The following RIC1 variants were observed in gnomAD, a reference collection of about 807,000 sequenced individuals.
RIC1 encodes RIC1 partner of RAB6A GEF complex.
RIC1 carries 88 observed loss-of-function variants against 169.0 expected under a neutral mutation model. The observed-to-expected ratio is 0.52, with a 90% CI of 0.44 to 0.62. The LOEUF (loss-of-function observed/expected upper bound fraction) is 0.62. Ranked by LOEUF, RIC1 falls within the 20% of genes least tolerant of loss-of-function variation. RIC1 has a pLI of 0.00. For synonymous variants in RIC1, 790 were observed against 601.5 expected, an observed-to-expected ratio of 1.31 and a Z score of -4.59; for missense variants, 1,877 against 1,725.5, an observed-to-expected ratio of 1.09 and a Z score of -1.56.
chr9:5,645,202 C>T (rs1382834113), intron 1 of RIC1, among the ~76,000 whole-genome samples: 2 of 152,028 alleles, frequency 1.3e-5, no homozygotes, highest in Non-Finnish European at 2.9e-5. Context: ...TACAGATGCC[C>T]AACAGCATGC....
intron 3 of RIC1, among the ~76,000 whole-genome samples, chr9:5,699,254 A>G (rs868348119): frequency 1.3e-5 from 2 of 152,172 alleles, no homozygotes; most frequent in African/African-American, 2.4e-5. Context: ...TTCCTCCCAC[A>G]TCCCAAAGAT....
intron 6 of RIC1, among the ~76,000 whole-genome samples, chr9:5,730,506 A>C (rs535406652): frequency 5.3e-5 from 8 of 152,170 alleles, no homozygotes; most frequent in Non-Finnish European, 1.0e-4. Flanking sequence ...AAGGGCAAAT[A>C]ATGTAGGCAT....
intron 1 of RIC1, among the ~76,000 whole-genome samples, chr9:5,650,562 G>A (rs1818749364): frequency 6.6e-6 from 1 of 152,008 alleles, no homozygotes; most frequent in African/African-American, 2.4e-5. Flanking sequence ...GCTGGGGTGG[G>A]GCAGGTATGG....
intron 4 of RIC1, among the ~76,000 whole-genome samples, chr9:5,714,624 G>A (rs926877262): frequency 1.3e-5 from 2 of 152,150 alleles, no homozygotes; most frequent in Non-Finnish European, 2.9e-5. Flanking sequence ...ATACGCAGCT[G>A]TAAAAACATT....
intron 6 of RIC1, among the ~76,000 whole-genome samples, chr9:5,731,849 T>A (rs974356340): frequency 6.6e-6 from 1 of 152,020 alleles, no homozygotes. Flanking sequence ...TTTTGAGGAG[T>A]GAAAGCAGTC....
At chr9:5,664,582 A>T (rs1819641747) in intron 2 of RIC1, among the ~76,000 whole-genome samples, 1 of 152,000 alleles carries the variant, frequency 6.6e-6, no homozygotes, top group Non-Finnish European at 1.5e-5. Flanking sequence ...TCTGATGATT[A>T]TATGTCTTGG....
At chr9:5,746,715 C>T (rs1191043105) in intron 11 of RIC1, among the ~76,000 whole-genome samples, 5 of 152,012 alleles carry the variant, frequency 3.3e-5, no homozygotes, top group Admixed American at 2.0e-4. Context: ...TATTATATAT[C>T]GCTAATATAC....
chr9:5,754,891 G>C lies in RIC1; in HGVS notation c.1653G>C (p.Met551Ile), dbSNP rs1349100115. 1 of 1,574,378 alleles carries C rather than the reference G, an allele frequency of 6.4e-7. No individual in the cohort carries two copies. ...TGGLAWWNDFMVLACYNINDR... is the reference protein window; with the variant it reads ...TGGLAWWNDFIVLACYNINDR... The stretch of plus-strand genomic sequence containing the variant: ...GCTTAGCCTGGTGGAATGATTTTAT[G>C]GTCCTTGCGTGTTATAACATAAATG... The change falls in exon 15 of 26, where the codon ATG becomes ATC. Residue 551 changes from methionine to isoleucine, a missense_variant. Transcript: ENST00000414202.
chr9:5,753,336 A>G, intron 13 of RIC1, 98 bp downstream of exon 13: 2 of 1,104,118 alleles, frequency 1.8e-6, no homozygotes, highest in Non-Finnish European at 1.4e-6. Context: ...TGAGAAAAAT[A>G]AAACTCTTGA....
At chr9:5,748,790 C>G (rs567855796) in intron 12 of RIC1, 4 of 152,680 alleles carry the variant, frequency 2.6e-5, no homozygotes, top group African/African-American at 9.6e-5. Context: ...CTCAGTGATT[C>G]TGTGATTCTT....
intron 1 of RIC1, among the ~76,000 whole-genome samples, chr9:5,639,483 A>G (rs1035460825): frequency 6.6e-6 from 1 of 152,190 alleles, no homozygotes; most frequent in Non-Finnish European, 1.5e-5. Flanking sequence ...GTTTTTTTGA[A>G]TATTTTAAGA....
chr9:5,764,398 C>G (rs1311395136), intron 19 of RIC1, among the ~76,000 whole-genome samples: 1 of 152,162 alleles, frequency 6.6e-6, no homozygotes, highest in Non-Finnish European at 1.5e-5. Context: ...AGCAAAGACC[C>G]TCATAGCACA....
chr9:5,742,171 G>C (rs1825121962), intron 8 of RIC1, among the ~76,000 whole-genome samples: 1 of 152,030 alleles, frequency 6.6e-6, no homozygotes, highest in Non-Finnish European at 1.5e-5. Context: ...TTATACCATG[G>C]ATATAGTCCA....
chr9:5,711,537 C>G (rs142287285), intron 3 of RIC1, among the ~76,000 whole-genome samples: 1 of 151,412 alleles, frequency 6.6e-6, no homozygotes, highest in African/African-American at 2.4e-5. Flanking sequence ...GGACATACGT[C>G]TTTTTTGTTT....
intron 2 of RIC1, among the ~76,000 whole-genome samples, chr9:5,678,331 A>C (rs113080846): frequency 6.6e-6 from 1 of 152,206 alleles, no homozygotes; most frequent in African/African-American, 2.4e-5. Context: ...TCTTTATAGC[A>C]GCATGATTTA....
chr9:5,768,552 T>C (rs1301787600), intron 21 of RIC1, among the ~76,000 whole-genome samples: 1 of 152,158 alleles, frequency 6.6e-6, no homozygotes, highest in Non-Finnish European at 1.5e-5. Context: ...GTTGGTATTC[T>C]TTTCATATGT....
At chr9:5,711,427 A>G (rs1385928911) in intron 3 of RIC1, among the ~76,000 whole-genome samples, 1 of 152,190 alleles carries the variant, frequency 6.6e-6, no homozygotes, top group East Asian at 1.9e-4. Context: ...ATTACCCAAC[A>G]GAATTAATAG....
chr9:5,749,943 T>C (rs1825626291), intron 12 of RIC1, among the ~76,000 whole-genome samples: 1 of 151,640 alleles, frequency 6.6e-6, no homozygotes, highest in African/African-American at 2.4e-5. Context: ...CATGCCCGGC[T>C]AATTTTTGTA....
chr9:5,669,457 A>G (rs1485808882), intron 2 of RIC1, among the ~76,000 whole-genome samples: 3 of 152,188 alleles, frequency 2.0e-5, no homozygotes, highest in African/African-American at 7.2e-5. Context: ...TGCAAATGCC[A>G]TTATTTTGCT....
Sources: gnomAD v4.1 joint callset for allele counts (sites outside exome capture counted in the v4.1 genomes callset) on GRCh38, gnomAD v4.1.1 for gene constraint, MANE v1.5 for transcripts, NCBI Gene and HGNC (gene_info 2026-07-23, HGNC 2026-07-21) for gene names.